GRB14: variants seen among roughly 807,000 people sequenced by gnomAD.
GRB14 encodes growth factor receptor-bound protein 14.
In GRB14, 38 loss-of-function variants were observed where a neutral mutation model predicts 69.1. That is an observed-to-expected ratio of 0.55 (90% CI 0.42 to 0.72). The LOEUF (loss-of-function observed/expected upper bound fraction) is 0.72. Among genes scored for constraint, GRB14 ranks in the 30% least tolerant of loss-of-function variants. GRB14 has a pLI of 0.00. For missense variants in GRB14, 666 were observed against 666.1 expected, an observed-to-expected ratio of 1.00 and a Z score of 0.00; for synonymous variants, 247 against 241.3, an observed-to-expected ratio of 1.02 and a Z score of -0.22.
chr2:164,582,389 T>C (rs1373202344), intron 2 of GRB14, among the ~76,000 whole-genome samples: 5 of 151,732 alleles, frequency 3.3e-5, no homozygotes, highest in African/African-American at 9.7e-5. Context: ...AATCAATCCA[T>C]TTATTTTCAG....
At chr2:164,567,821 T>G (rs1368197691) in intron 2 of GRB14, among the ~76,000 whole-genome samples, 2 of 152,130 alleles carry the variant, frequency 1.3e-5, no homozygotes, top group Non-Finnish European at 2.9e-5. Context: ...AGAAGCTCAA[T>G]AGAAATGGGT....
At chr2:164,580,139 G>C (rs2105337153) in intron 2 of GRB14, among the ~76,000 whole-genome samples, 1 of 150,638 alleles carries the variant, frequency 6.6e-6, no homozygotes, top group African/African-American at 2.4e-5. Flanking sequence ...CTGTCGCCCA[G>C]GCTGGAGTGC....
chr2:164,578,329 T>C (rs1276734974), intron 2 of GRB14, among the ~76,000 whole-genome samples: 1 of 152,066 alleles, frequency 6.6e-6, no homozygotes, highest in Non-Finnish European at 1.5e-5. Flanking sequence ...TTTTGACTCA[T>C]AAATATTTTA....
At chr2:164,610,934 G>A (rs1690154198) in intron 2 of GRB14, among the ~76,000 whole-genome samples, 2 of 150,446 alleles carry the variant, frequency 1.3e-5, no homozygotes, top group Non-Finnish European at 3.0e-5. Context: ...AAATCTCCTG[G>A]ATGAGATGAC....
At chr2:164,585,085 CTTTTTTTTTTTTTTTTTTTTTTTTTTTTT>C (rs146962375) in intron 2 of GRB14, among the ~76,000 whole-genome samples, 1 of 54,344 alleles carries the variant, frequency 1.8e-5, no homozygotes, top group Non-Finnish European at 3.3e-5. Context: ...CCATGCCTGG[CTTTTTTTTTTTTTTTTTTTTTTTTTTTTT>C]TTTTTTTTTT....
At chr2:164,516,228 T>C (rs1427207879) in intron 6 of GRB14, among the ~76,000 whole-genome samples, 2 of 151,952 alleles carry the variant, frequency 1.3e-5, no homozygotes, top group East Asian at 3.9e-4. Context: ...CCTGGGAAAT[T>C]AATCACAAAA....
At chr2:164,576,431 G>A (rs931544813) in intron 2 of GRB14, among the ~76,000 whole-genome samples, 2 of 151,274 alleles carry the variant, frequency 1.3e-5, no homozygotes, top group African/African-American at 4.9e-5. Flanking sequence ...TGATCACATT[G>A]GACATCAAAG....
chr2:164,605,975 T>C (rs1250854561), intron 2 of GRB14, among the ~76,000 whole-genome samples: 1 of 152,228 alleles, frequency 6.6e-6, no homozygotes, highest in Non-Finnish European at 1.5e-5. Flanking sequence ...AAAGTAATTG[T>C]ACAGCCTTTG....
chr2:164,615,859 G>T (rs1432978316), intron 2 of GRB14, among the ~76,000 whole-genome samples: 2 of 152,142 alleles, frequency 1.3e-5, no homozygotes, highest in Admixed American at 6.5e-5. Flanking sequence ...TGATTCTGCT[G>T]CAAGAGCTAA....
intron 2 of GRB14, among the ~76,000 whole-genome samples, chr2:164,572,239 A>G (rs1439548858): frequency 6.6e-6 from 1 of 152,218 alleles, no homozygotes; most frequent in Non-Finnish European, 1.5e-5. Context: ...CCAGTCTAAT[A>G]CAAAAGTACC....
At chr2:164,517,654 G>A (rs1687527359) in intron 6 of GRB14, among the ~76,000 whole-genome samples, 1 of 151,908 alleles carries the variant, frequency 6.6e-6, no homozygotes, top group African/African-American at 2.4e-5. Flanking sequence ...ATAAACTTAA[G>A]GTAAAGGGGT....
chr2:164,621,004 CTT>C lies in GRB14; in HGVS notation c.191+113_191+114del. 1 of 908,202 alleles carries C rather than the reference CTT, an allele frequency of 1.1e-6. No individual in the cohort carries two copies. The highest frequency in any genetic ancestry group is 1.5e-6 in the Non-Finnish European group (1 of 688,628). 56.3% of individuals were successfully genotyped at this position (908,202 alleles called of 1,614,324 possible). A position where few individuals can be genotyped will look rare whatever the true frequency, so the allele number is the denominator to read the frequency against. ...GCTCAAAGGGGATTGTCTTCAGAGA[CTT>C]TTACAAACTTGGCCCAGCTCTGGGC... On this transcript the variant is annotated intron_variant, in intron 1 of 13. Coordinates refer to ENST00000263915, the MANE Select transcript of GRB14 (RefSeq NM_004490.3). This position sits in a 1 kb window ranked among gnomAD's most constrained non-coding sequence, Gnocchi z 6.0.
At chr2:164,585,325 A>G (rs1230410766) in intron 2 of GRB14, among the ~76,000 whole-genome samples, 1 of 151,882 alleles carries the variant, frequency 6.6e-6, no homozygotes, top group Non-Finnish European at 1.5e-5. Context: ...TTATTTTCAA[A>G]TAATGTTCAA....
chr2:164,577,400 G>A (rs756912682), intron 2 of GRB14, among the ~76,000 whole-genome samples: 5 of 152,148 alleles, frequency 3.3e-5, no homozygotes, highest in Admixed American at 6.5e-5. Flanking sequence ...TGAACAGGGC[G>A]AATTTCCCCC....
chr2:164,588,526 G>A (rs374692264), intron 2 of GRB14, among the ~76,000 whole-genome samples: 8 of 151,612 alleles, frequency 5.3e-5, no homozygotes, highest in East Asian at 1.9e-4. Context: ...ACTCTTAACC[G>A]TAACTATAGG....
At chr2:164,612,034 C>T (rs551313929) in intron 2 of GRB14, among the ~76,000 whole-genome samples, 48 of 152,236 alleles carry the variant, frequency 3.2e-4, no homozygotes, top group African/African-American at 9.6e-4. Flanking sequence ...GAGCAATGGG[C>T]TGATATAACA....
Position 164,578,524 on chromosome 2 carries a change from A to G in GRB14, c.325-30708T>C, listed in dbSNP as rs189981671. Reference sequence around the variant, plus strand: ...AGGAACGAAAAGACAATTCGCGCGCACACACACACACACACACACACACAC... The same window carrying G: ...AGGAACGAAAAGACAATTCGCGCGCGCACACACACACACACACACACACAC... On this transcript the variant is annotated intron_variant, in intron 2 of 13. Coordinates refer to ENST00000263915, the MANE Select transcript of GRB14 (RefSeq NM_004490.3). Among the ~76,000 whole-genome samples the G allele has an allele frequency of 6.5e-3, 910 of 140,606 alleles. 2 individuals are homozygous for G. The highest frequency in any genetic ancestry group is 0.025 in the African/African-American group (838 of 32,936). 92.2% of individuals were successfully genotyped at this position (140,606 alleles called of 152,430 possible). A position where few individuals can be genotyped will look rare whatever the true frequency, so the allele number is the denominator to read the frequency against.
intron 8 of GRB14, among the ~76,000 whole-genome samples, chr2:164,504,573 C>G (rs2105262618): frequency 6.6e-6 from 1 of 152,230 alleles, no homozygotes; most frequent in African/African-American, 2.4e-5. Flanking sequence ...TAAAAGAGAT[C>G]ATATCATGTC....
intron 6 of GRB14, among the ~76,000 whole-genome samples, chr2:164,518,181 C>T (rs1383892361): frequency 6.6e-6 from 1 of 152,068 alleles, no homozygotes; most frequent in Non-Finnish European, 1.5e-5. Context: ...TCTCAGAACA[C>T]AGTGTAATAA....
Sources: gnomAD v4.1 joint callset for allele counts (sites outside exome capture counted in the v4.1 genomes callset) on GRCh38, gnomAD v4.1.1 for gene constraint, Gnocchi (gnomAD v3.1) non-coding constraint, MANE v1.5 for transcripts, NCBI Gene and HGNC (gene_info 2026-07-23, HGNC 2026-07-21) for gene names.